GAS2: variants seen among roughly 807,000 people sequenced by gnomAD.
GAS2 encodes the protein growth arrest-specific protein 2.
GAS2 carries 20 observed loss-of-function variants against 37.5 expected under a neutral mutation model. The ratio of observed to expected loss-of-function variants is 0.53; its 90% CI spans 0.37 to 0.77. The LOEUF is 0.77. GAS2 is among the 30% of genes least tolerant of loss of function. The pLI is 0.00. For missense variants in GAS2, 336 were observed against 373.4 expected (o/e 0.90, Z 0.82); for synonymous variants, 144 against 132.2 (o/e 1.09, Z -0.61).
chr11:22,727,142 A>G (rs1852255938), intron 4 of GAS2, among the ~76,000 whole-genome samples: 1 of 152,050 alleles, frequency 6.6e-6, no homozygotes, highest in African/African-American at 2.4e-5. Flanking sequence ...CACTCCATAC[A>G]CTAGGATAAC....
chr11:22,736,905 T>C (rs1233312306), intron 4 of GAS2, among the ~76,000 whole-genome samples: 1 of 152,082 alleles, frequency 6.6e-6, no homozygotes, highest in Non-Finnish European at 1.5e-5. Flanking sequence ...AAGAGAATAG[T>C]ATGCTCTTTT....
intron 6 of GAS2, among the ~76,000 whole-genome samples, chr11:22,753,834 T>A (rs1225960196): frequency 6.6e-6 from 1 of 152,128 alleles, no homozygotes; most frequent in African/African-American, 2.4e-5. Context: ...TAGAAAGAGA[T>A]ACACATAGAA....
intron 1 of GAS2, among the ~76,000 whole-genome samples, chr11:22,643,458 GAAA>G (rs112763541): frequency 8.8e-6 from 1 of 113,964 alleles, no homozygotes; most frequent in African/African-American, 3.0e-5. Flanking sequence ...CATCTGTTTT[GAAA>G]AAAAAAAAAA....
chr11:22,804,308 A>G (rs572968846), intron 7 of GAS2, among the ~76,000 whole-genome samples: 24 of 152,162 alleles, frequency 1.6e-4, no homozygotes, highest in Non-Finnish European at 2.9e-4. Context: ...ACAATGAGAT[A>G]GGTAGCAGGC....
chr11:22,788,877 T>C (rs1164674615), intron 7 of GAS2, among the ~76,000 whole-genome samples: 1 of 152,096 alleles, frequency 6.6e-6, no homozygotes, highest in Non-Finnish European at 1.5e-5. Flanking sequence ...TGTATTTCCT[T>C]CACAAAATAA....
intron 1 of GAS2, among the ~76,000 whole-genome samples, chr11:22,637,129 A>G (rs28716596): frequency 0.015 from 1,838 of 125,306 alleles, 87 homozygotes; most frequent in African/African-American, 0.055. Flanking sequence ...TATTACTTAT[A>G]TTAATATTAT....
intron 5 of GAS2, among the ~76,000 whole-genome samples, 194 bp downstream of exon 5, chr11:22,737,962 A>G (rs1421227738): frequency 6.6e-6 from 1 of 152,210 alleles, no homozygotes; most frequent in Admixed American, 6.5e-5. Flanking sequence ...CCTAACCTCA[A>G]GATCTTGTTG....
At chr11:22,673,007 A>G (rs975441030) in intron 1 of GAS2, among the ~76,000 whole-genome samples, 3 of 152,160 alleles carry the variant, frequency 2.0e-5, no homozygotes, top group Non-Finnish European at 2.9e-5. Context: ...CACATTTTCA[A>G]TGGTTGACTT....
chr11:22,732,169 C>G (rs1424077869), intron 4 of GAS2, among the ~76,000 whole-genome samples: 1 of 151,706 alleles, frequency 6.6e-6, no homozygotes, highest in Non-Finnish European at 1.5e-5. Context: ...AGAATTATTT[C>G]AAGCAAAAGG....
intron 3 of GAS2, chr11:22,688,344 CT>C (rs1402976211): frequency 6.6e-6 from 1 of 151,962 alleles, no homozygotes; most frequent in East Asian, 1.9e-4. Context: ...AAAATAAATA[CT>C]TTATAGTCTA....
intron 4 of GAS2, among the ~76,000 whole-genome samples, chr11:22,732,061 C>T (rs1048651833): frequency 2.6e-5 from 4 of 151,638 alleles, no homozygotes; most frequent in African/African-American, 9.7e-5. Context: ...TTTAAATGGC[C>T]CAGCTACAGT....
At chr11:22,648,718 C>T (rs1000294215) in intron 1 of GAS2, among the ~76,000 whole-genome samples, 4 of 152,160 alleles carry the variant, frequency 2.6e-5, no homozygotes, top group Non-Finnish European at 5.9e-5. Context: ...TGATTTGGCT[C>T]TCTGTTTGTC....
rs377172361 is a variant in GAS2 at position 22,633,344 on chromosome 11, A to G, written c.-21+7531A>G. Among the ~76,000 whole-genome samples the G allele has an allele frequency of 1.5e-3, 227 of 152,294 alleles. 1 individual carries two copies. The highest frequency in any genetic ancestry group is 5.2e-3 in the African/African-American group (217 of 41,560). ...TGAAGAATCTGTGTGAAACATCTGT[A>G]TGAACTCCTTGGTGTGATGGCCTTC... is the stretch of plus-strand genomic sequence containing the variant. On this transcript the variant is annotated intron_variant, in intron 1 of 5. Coordinates refer to the GAS2 transcript ENST00000528582.
intron 7 of GAS2, among the ~76,000 whole-genome samples, chr11:22,782,220 A>C (rs2134497622): frequency 6.6e-6 from 1 of 152,308 alleles, no homozygotes; most frequent in South Asian, 2.1e-4. Context: ...TAATAGTATT[A>C]ATTAGACAGA....
chr11:22,694,632 C>A (rs1850409226), intron 3 of GAS2, among the ~76,000 whole-genome samples: 1 of 152,084 alleles, frequency 6.6e-6, no homozygotes, highest in Non-Finnish European at 1.5e-5. Flanking sequence ...TGATTCCTGG[C>A]TTTTTGTGCC....
chr11:22,726,196 G>T, intron 3 of GAS2, 96 bp from the exon 4 acceptor site: 3 of 1,229,338 alleles, frequency 2.4e-6, no homozygotes, highest in Non-Finnish European at 3.4e-6. Context: ...ATTGGCATGA[G>T]GTAATTCCGA....
At chr11:22,751,856 G>A (rs1049533870) in intron 6 of GAS2, among the ~76,000 whole-genome samples, 34 of 152,072 alleles carry the variant, frequency 2.2e-4, no homozygotes, top group East Asian at 3.9e-4. Context: ...CCATACAATA[G>A]TAAGCCAGTC....
chr11:22,703,519 A>G (rs994901224), intron 3 of GAS2, among the ~76,000 whole-genome samples: 1 of 152,344 alleles, frequency 6.6e-6, no homozygotes, highest in African/African-American at 2.4e-5. Context: ...GGAAACATTC[A>G]TAGATTTTAT....
chr11:22,670,870 G>A (rs556594713), intron 1 of GAS2, among the ~76,000 whole-genome samples: 6 of 152,084 alleles, frequency 3.9e-5, no homozygotes, highest in African/African-American at 1.4e-4. Flanking sequence ...TCTCATAGCC[G>A]ACAGAAGTGT....
Sources: gnomAD v4.1 joint callset for allele counts (sites outside exome capture counted in the v4.1 genomes callset) on GRCh38, gnomAD v4.1.1 for gene constraint, MANE v1.5 for transcripts, NCBI Gene and HGNC (gene_info 2026-07-23, HGNC 2026-07-21) for gene names.